The following PHACTR3 variants were observed in gnomAD, a reference collection of about 807,000 sequenced individuals.
The protein encoded by PHACTR3 is protein phosphatase 1, regulatory subunit 123.
In PHACTR3, 16 loss-of-function variants were observed where a neutral mutation model predicts 66.8. The observed-to-expected ratio is 0.24, with a 90% CI of 0.16 to 0.36. The LOEUF (loss-of-function observed/expected upper bound fraction) is 0.36. PHACTR3 is among the 10% of genes least tolerant of loss of function. The probability of loss-of-function intolerance (pLI) is 1.00; values close to 1 mark genes in which losing one functional copy is unlikely to be tolerated. For missense variants in PHACTR3, 647 were observed against 719.9 expected, an observed-to-expected ratio of 0.90 and a Z score of 1.16; for synonymous variants, 323 against 292.1, an observed-to-expected ratio of 1.11 and a Z score of -1.08.
intron 11 of PHACTR3, 34 bp downstream of exon 11, chr20:59,841,569 G>A (rs754729260): frequency 1.1e-5 from 17 of 1,592,850 alleles, no homozygotes; most frequent in Admixed American, 1.8e-5. Flanking sequence ...GGGGGTGTTG[G>A]ATGATATAAT....
intron 1 of PHACTR3, among the ~76,000 whole-genome samples, chr20:59,722,701 A>G (rs2038361931): frequency 6.6e-6 from 1 of 152,162 alleles, no homozygotes; most frequent in African/African-American, 2.4e-5. Flanking sequence ...CACTCTTGCC[A>G]TCATGCATGC....
intron 1 of PHACTR3, among the ~76,000 whole-genome samples, chr20:59,700,031 T>C (rs2037440125): frequency 6.6e-6 from 1 of 152,234 alleles, no homozygotes; most frequent in Admixed American, 6.5e-5. Flanking sequence ...GGTTGACCAG[T>C]TCTCCTTCCC....
chr20:59,787,500 A>C (rs1430052522), intron 7 of PHACTR3, among the ~76,000 whole-genome samples: 1 of 152,224 alleles, frequency 6.6e-6, no homozygotes, highest in African/African-American at 2.4e-5. Context: ...AGCCTTGTCT[A>C]CTATGCCAGT....
At chr20:59,623,888 G>A (rs1026763108) in intron 1 of PHACTR3, among the ~76,000 whole-genome samples, 1 of 152,202 alleles carries the variant, frequency 6.6e-6, no homozygotes, top group African/African-American at 2.4e-5. Flanking sequence ...TGACACTTAT[G>A]GAGCAGAGGG....
At chr20:59,757,745 A>G (rs971303749) in intron 4 of PHACTR3, among the ~76,000 whole-genome samples, 1 of 152,210 alleles carries the variant, frequency 6.6e-6, no homozygotes, top group African/African-American at 2.4e-5. Context: ...TGAACCTAGG[A>G]GTTCAAAGTC....
intron 4 of PHACTR3, among the ~76,000 whole-genome samples, chr20:59,757,754 T>A (rs926975214): frequency 3.8e-4 from 58 of 152,186 alleles, no homozygotes; most frequent in African/African-American, 1.4e-3. Context: ...GAGTTCAAAG[T>A]CATCCTGGAC....
intron 1 of PHACTR3, among the ~76,000 whole-genome samples, chr20:59,696,022 C>T (rs201086290): frequency 7.2e-5 from 11 of 152,154 alleles, no homozygotes; most frequent in South Asian, 2.1e-4. Flanking sequence ...TGTGAGCCAC[C>T]GCACCCAGAC....
chr20:59,802,841 C>T (rs1808863838), intron 7 of PHACTR3, among the ~76,000 whole-genome samples: 1 of 152,194 alleles, frequency 6.6e-6, no homozygotes, highest in Admixed American at 6.5e-5. Context: ...TAATTTCTTG[C>T]ACAATGCATG....
rs555739422 is a variant in PHACTR3, at chr20:59,613,576, G to T, written c.118+8444G>T. On this transcript the variant is annotated intron_variant, in intron 1 of 12. Coordinates refer to ENST00000371015, the MANE Select transcript of PHACTR3 (RefSeq NM_080672.5). ...TTTGTTTGCTTAAGATAGGTGTATT[G>T]CTACTCTAACAAGAGCAGGTTCCGC... Among the ~76,000 whole-genome samples, 4 of 152,304 alleles carry T rather than the reference G, an allele frequency of 2.6e-5. No individual in the cohort carries two copies. In the East Asian group the frequency reaches 7.7e-4, roughly 29 times the overall value.
At chr20:59,639,735 GA>G (rs965695226) in intron 1 of PHACTR3, among the ~76,000 whole-genome samples, 3 of 152,220 alleles carry the variant, frequency 2.0e-5, no homozygotes, top group South Asian at 2.1e-4. Context: ...GGAGAAGGGG[GA>G]TGGATGCACA....
chr20:59,596,991 C>T (rs140497341), intron 1 of PHACTR3, among the ~76,000 whole-genome samples: 1 of 152,378 alleles, frequency 6.6e-6, no homozygotes, highest in East Asian at 1.9e-4. Context: ...CCGTGCCTGA[C>T]AGCACACAGG....
At chr20:59,785,120 A>G (rs971641180) in intron 7 of PHACTR3, among the ~76,000 whole-genome samples, 21 of 152,184 alleles carry the variant, frequency 1.4e-4, no homozygotes, top group African/African-American at 4.8e-4. Flanking sequence ...CAGCTGCCGT[A>G]ACAGGATACC....
At chr20:59,787,562 G>A (rs1476002909) in intron 7 of PHACTR3, among the ~76,000 whole-genome samples, 1 of 152,208 alleles carries the variant, frequency 6.6e-6, no homozygotes, top group Non-Finnish European at 1.5e-5. Context: ...GGACATCTTT[G>A]TGGCTGTTGT....
At chr20:59,722,668 G>C (rs2038361025) in intron 1 of PHACTR3, among the ~76,000 whole-genome samples, 1 of 152,194 alleles carries the variant, frequency 6.6e-6, no homozygotes, top group African/African-American at 2.4e-5. Context: ...ATGGCAGCTG[G>C]GATGGGCAGG....
intron 1 of PHACTR3, among the ~76,000 whole-genome samples, chr20:59,706,376 A>C (rs2037701336): frequency 6.6e-6 from 1 of 152,242 alleles, no homozygotes; most frequent in Admixed American, 6.5e-5. Context: ...AGCACGTTTC[A>C]GCTGTGTGTT....
At chr20:59,709,252 G>A (rs1278658488) in intron 1 of PHACTR3, among the ~76,000 whole-genome samples, 3 of 152,292 alleles carry the variant, frequency 2.0e-5, no homozygotes, top group Non-Finnish European at 4.4e-5. Flanking sequence ...TTTCTGAGAT[G>A]TACCTTTTCC....
intron 1 of PHACTR3, among the ~76,000 whole-genome samples, chr20:59,700,584 A>G (rs576994446): frequency 4.6e-4 from 70 of 152,324 alleles, no homozygotes; most frequent in African/African-American, 1.5e-3. Flanking sequence ...AGTGCTTAAA[A>G]ACATCATTTT....
intron 1 of PHACTR3, among the ~76,000 whole-genome samples, chr20:59,617,997 C>T (rs1279559629): frequency 1.3e-5 from 2 of 152,182 alleles, no homozygotes; most frequent in Admixed American, 1.3e-4. Context: ...GGGGAGGCTG[C>T]CCTGGAGCCC....
At chr20:59,800,908 A>T (rs2041393606) in intron 7 of PHACTR3, among the ~76,000 whole-genome samples, 1 of 148,646 alleles carries the variant, frequency 6.7e-6, no homozygotes, top group African/African-American at 2.6e-5. Context: ...CTCCCATTCC[A>T]GAGGCAGAAC....
Sources: gnomAD v4.1 joint callset for allele counts (sites outside exome capture counted in the v4.1 genomes callset) on GRCh38, gnomAD v4.1.1 for gene constraint, MANE v1.5 for transcripts, NCBI Gene and HGNC (gene_info 2026-07-23, HGNC 2026-07-21) for gene names.